LEF1: variants seen among roughly 807,000 people sequenced by gnomAD.
The protein encoded by LEF1 is lymphoid enhancer binding factor 1.
In LEF1, 14 loss-of-function variants were observed where a neutral mutation model predicts 51.2. The ratio of observed to expected loss-of-function variants is 0.27; its 90% CI spans 0.18 to 0.43. The LOEUF (loss-of-function observed/expected upper bound fraction) is 0.43, where lower values mean the gene tolerates loss of function less well. LEF1 is among the 20% of genes least tolerant of loss of function. The pLI, the probability that LEF1 is intolerant of heterozygous loss-of-function variation, is 1.00. For synonymous variants in LEF1, 185 were observed against 183.2 expected, an observed-to-expected ratio of 1.01 and a Z score of -0.08; for missense variants, 386 against 512.0, an observed-to-expected ratio of 0.75 and a Z score of 2.37.
At chr4:108,062,125 T>C (rs1247779758) in intron 11 of LEF1, among the ~76,000 whole-genome samples, 3 of 152,046 alleles carry the variant, frequency 2.0e-5, no homozygotes, top group African/African-American at 7.2e-5. Context: ...GTAAGGAAAA[T>C]GAAGATTAAA....
intron 3 of LEF1, among the ~76,000 whole-genome samples, chr4:108,117,447 A>G (rs981806103): frequency 1.3e-5 from 2 of 152,232 alleles, no homozygotes; most frequent in African/African-American, 2.4e-5. Context: ...CCAAAAGAAA[A>G]TGAAAGCATA....
In LEF1 at chr4:108,085,515, CAT is replaced by C. The variant is rs549100294; in HGVS notation, c.548-2071_548-2070del. Among the ~76,000 whole-genome samples the C allele has an allele frequency of 9.7e-4, 148 of 152,300 alleles. 1 individual carries two copies. The highest frequency in any genetic ancestry group is 1.6e-3 in the Non-Finnish European group (112 of 68,018). ...TGGAGAGGTAACTTGCTTGCAGTCA[CAT>C]GTCTTTAAGCTTAAACTCTTACTCT... On this transcript the variant is annotated intron_variant, in intron 4 of 11. Coordinates refer to ENST00000265165, the MANE Select transcript of LEF1 (RefSeq NM_016269.5).
rs967450292 is a variant in LEF1 at position 108,096,184 on chromosome 4, G to A, written c.415-6927C>T. 2.6e-5 allele frequency among the ~76,000 whole-genome samples: 4 copies of A among 152,128 alleles called. No homozygotes were observed. The South Asian group carries it at 8.3e-4, about 32-fold the overall frequency. On this transcript the variant is annotated intron_variant, in intron 3 of 11. Coordinates refer to ENST00000265165, the MANE Select transcript of LEF1 (RefSeq NM_016269.5). ...GGTTGATTCAGAGGTCAAATAGAGG[G>A]ATGGGGCATAAGTAAAAGAAAGGAC...
At chr4:108,109,115 C>T (rs575587201) in intron 3 of LEF1, among the ~76,000 whole-genome samples, 1 of 152,334 alleles carries the variant, frequency 6.6e-6, no homozygotes, top group East Asian at 1.9e-4. Context: ...AGCTACTTAT[C>T]TGCTGTGGGC....
chr4:108,108,308 TA>T (rs1273097805), intron 3 of LEF1, among the ~76,000 whole-genome samples: 1 of 152,180 alleles, frequency 6.6e-6, no homozygotes, highest in Non-Finnish European at 1.5e-5. Context: ...AAAAAGGTCT[TA>T]GATTATCATC....
chr4:108,111,541 T>A (rs72660421), intron 3 of LEF1, among the ~76,000 whole-genome samples: 1,657 of 152,300 alleles, frequency 0.011, 13 homozygotes, highest in African/African-American at 0.017. Flanking sequence ...GCCCTAACTG[T>A]CATTTATTAC....
chr4:108,063,311 C>T (rs986802992), intron 11 of LEF1, among the ~76,000 whole-genome samples: 1 of 151,856 alleles, frequency 6.6e-6, no homozygotes, highest in African/African-American at 2.4e-5. Context: ...GTTGTTTGTT[C>T]TTTTTTTAAG....
intron 3 of LEF1, among the ~76,000 whole-genome samples, chr4:108,126,060 A>G (rs1742507329): frequency 6.6e-6 from 1 of 152,200 alleles, no homozygotes; most frequent in South Asian, 2.1e-4. Context: ...TTCAGGAAAT[A>G]GTCCTATTCC....
At chr4:108,112,971 C>T (rs1007548979) in intron 3 of LEF1, among the ~76,000 whole-genome samples, 1 of 152,136 alleles carries the variant, frequency 6.6e-6, no homozygotes, top group African/African-American at 2.4e-5. Context: ...CTGTCAGAAA[C>T]CACCCTGTTG....
intron 6 of LEF1, among the ~76,000 whole-genome samples, chr4:108,080,436 T>G (rs1029712430): frequency 6.6e-6 from 1 of 152,210 alleles, no homozygotes; most frequent in South Asian, 2.1e-4. Context: ...CATTCTCAGG[T>G]CTTTCATCAC....
chr4:108,094,216 C>T (rs1028432451), intron 3 of LEF1, among the ~76,000 whole-genome samples: 5 of 152,204 alleles, frequency 3.3e-5, no homozygotes, highest in Non-Finnish European at 5.9e-5. Context: ...CTGTCCCAGG[C>T]ACAGGAATCA....
Position 108,083,397 on chromosome 4 carries a change from C to T in LEF1, c.597G>A (p.Leu199=). 6.2e-7 allele frequency: 1 copy of T among 1,613,806 alleles called. No individual in the cohort carries two copies. Among genetic ancestry groups the T allele is most frequent in the Non-Finnish European group, 8.5e-7 (1 of 1,179,802 alleles). The part of the protein sequence containing the change: ...PAPDIPTFYP[L]SPGGVGQITP... ...TGATCTGTCCAACACCACCCGGAGA[C>T]AAGGGATAAAAAGTAGGGATATCAG... Residue 199 remains leucine (L), a synonymous_variant, in exon 5 of 12, where the codon TTG becomes TTA. Coordinates refer to ENST00000265165, the MANE Select transcript of LEF1 (RefSeq NM_016269.5).
intron 9 of LEF1, 143 bp from the exon 10 acceptor site, chr4:108,064,527 A>G: frequency 1.6e-6 from 1 of 615,366 alleles, no homozygotes; most frequent in African/African-American, 1.9e-5. Flanking sequence ...CTATCTAGAA[A>G]CAAAGTCAGA....
At chr4:108,049,462 A>T (rs1411071225) in intron 11 of LEF1, among the ~76,000 whole-genome samples, 1 of 152,226 alleles carries the variant, frequency 6.6e-6, no homozygotes, top group African/African-American at 2.4e-5. Flanking sequence ...GAGATTTTTT[A>T]AAAAGTGATT....
intron 1 of LEF1, chr4:108,166,414 C>A (rs1425335520): frequency 7.0e-7 from 1 of 1,420,612 alleles, no homozygotes; most frequent in Non-Finnish European, 9.2e-7. Context: ...GTATATCCTC[C>A]AAGTTTCTTT....
intron 3 of LEF1, among the ~76,000 whole-genome samples, chr4:108,147,484 G>C (rs1251446119): frequency 1.3e-5 from 2 of 152,058 alleles, no homozygotes; most frequent in African/African-American, 2.4e-5. Flanking sequence ...GCCATCTTAG[G>C]AGGAAATATT....
At chr4:108,161,622 A>G (rs1174435732) in intron 3 of LEF1, among the ~76,000 whole-genome samples, 1 of 152,246 alleles carries the variant, frequency 6.6e-6, no homozygotes, top group Admixed American at 6.5e-5. Context: ...CTGTGGAAAC[A>G]CAAGGCAGAA....
At chr4:108,089,516 T>C (rs867028853) in intron 3 of LEF1, among the ~76,000 whole-genome samples, 1 of 152,220 alleles carries the variant, frequency 6.6e-6, no homozygotes, top group African/African-American at 2.4e-5. Flanking sequence ...GGGATTTAGG[T>C]TGATCACTAC....
intron 3 of LEF1, among the ~76,000 whole-genome samples, chr4:108,117,694 G>T (rs547242254): frequency 6.6e-6 from 1 of 152,272 alleles, no homozygotes; most frequent in South Asian, 2.1e-4. Flanking sequence ...AGCAGAACTG[G>T]CCAGAGAGAA....
Sources: allele counts gnomAD v4.1 joint callset (sites outside exome capture counted in the v4.1 genomes callset), GRCh38; gene constraint gnomAD v4.1.1; transcripts MANE v1.5; gene names NCBI Gene and HGNC (gene_info 2026-07-23, HGNC 2026-07-21).